PTGER4: variants seen among roughly 807,000 people sequenced by gnomAD.
PTGER4 encodes the protein prostaglandin E2 receptor EP4 subtype.
In PTGER4, 11 loss-of-function variants were observed where a neutral mutation model predicts 33.2. That is an observed-to-expected ratio of 0.33 (90% CI 0.21 to 0.55). The LOEUF is 0.55. PTGER4 is among the 20% of genes least tolerant of loss of function. PTGER4 has a pLI of 0.92. For synonymous variants in PTGER4, 275 were observed against 281.5 expected (o/e 0.98, Z 0.23); for missense variants, 481 against 650.2 (o/e 0.74, Z 2.83).
At chr5:40,727,325 C>T in the PTGER4 span, among the ~76,000 whole-genome samples, 5 of 152,116 alleles carry the variant, frequency 3.3e-5, no homozygotes, top group Admixed American at 2.0e-4. Context: ...AAATTTGGCA[C>T]TGTATATTAG....
chr5:40,718,929 TAAGGTA>T, the PTGER4 span, among the ~76,000 whole-genome samples: 5 of 151,998 alleles, frequency 3.3e-5, no homozygotes, highest in African/African-American at 1.2e-4. Flanking sequence ...AATTAAAAAT[TAAGGTA>T]CCATGGGAAT....
At chr5:40,729,099 G>C in the PTGER4 span, among the ~76,000 whole-genome samples, 33,409 of 152,010 alleles carry the variant, frequency 0.22, 4,351 homozygotes, top group Admixed American at 0.37. Flanking sequence ...AAAGATTTGT[G>C]ATACAAACAT....
the PTGER4 span, among the ~76,000 whole-genome samples, chr5:40,719,323 A>ATGTCTGGT: frequency 6.6e-6 from 1 of 152,158 alleles, no homozygotes; most frequent in Non-Finnish European, 1.5e-5. Context: ...ACAGCCTTTT[A>ATGTCTGGT]TGTCTGGTTT....
the PTGER4 span, among the ~76,000 whole-genome samples, chr5:40,731,181 G>A: frequency 1.3e-5 from 2 of 152,148 alleles, no homozygotes; most frequent in Non-Finnish European, 2.9e-5. Context: ...AAAGGTAGCA[G>A]TAATAAATTC....
At chr5:40,717,229 CAAAA>C in the PTGER4 span, among the ~76,000 whole-genome samples, 2 of 108,902 alleles carry the variant, frequency 1.8e-5, no homozygotes, top group Non-Finnish European at 1.8e-5. Flanking sequence ...AACTCCATCT[CAAAA>C]AAAAAAAAAA....
the PTGER4 span, chr5:40,728,369 T>C: frequency 1.9e-5 from 31 of 1,611,918 alleles, 1 homozygote; most frequent in South Asian, 2.8e-4. Context: ...CTAAACCAAG[T>C]TGAGCACGTC....
At chr5:40,708,372 T>C in the PTGER4 span, among the ~76,000 whole-genome samples, 1 of 152,128 alleles carries the variant, frequency 6.6e-6, no homozygotes, top group African/African-American at 2.4e-5. Flanking sequence ...CCCACAGAAA[T>C]ACAAACTGCC....
At chr5:40,714,419 G>T in the PTGER4 span, 1 of 152,216 alleles carries the variant, frequency 6.6e-6, no homozygotes, top group East Asian at 1.9e-4. Context: ...ACACTAAGTA[G>T]ATCAATCTAA....
intron 2 of PTGER4, among the ~76,000 whole-genome samples, chr5:40,689,707 C>T (rs941817228): frequency 3.3e-5 from 5 of 152,174 alleles, no homozygotes; most frequent in Admixed American, 2.0e-4. Context: ...GCAACATCCT[C>T]AAGTCTTGTT....
the PTGER4 span, among the ~76,000 whole-genome samples, chr5:40,707,306 C>T: frequency 6.6e-6 from 1 of 151,992 alleles, no homozygotes; most frequent in East Asian, 1.9e-4. Context: ...CAGAGACACA[C>T]ATAGGCTCAA....
chr5:40,703,952 A>C, the PTGER4 span, among the ~76,000 whole-genome samples: 2 of 140,738 alleles, frequency 1.4e-5, no homozygotes, highest in East Asian at 4.2e-4. Context: ...AAAAAAATTT[A>C]GGAGGAAGGA....
chr5:40,700,381 G>T, the PTGER4 span, among the ~76,000 whole-genome samples: 4 of 152,218 alleles, frequency 2.6e-5, no homozygotes, highest in Admixed American at 6.5e-5. Flanking sequence ...CTCTGCCACT[G>T]CCTCTGCAGT....
chr5:40,706,248 T>C, the PTGER4 span, among the ~76,000 whole-genome samples: 1 of 152,116 alleles, frequency 6.6e-6, no homozygotes, highest in African/African-American at 2.4e-5. Flanking sequence ...ATACTACATG[T>C]TCTCACTTAT....
the PTGER4 span, among the ~76,000 whole-genome samples, chr5:40,711,109 C>G: frequency 6.6e-6 from 1 of 151,062 alleles, no homozygotes. Flanking sequence ...AGAAAACAAA[C>G]AAGCAAGCTG....
At chr5:40,729,463 T>C in the PTGER4 span, among the ~76,000 whole-genome samples, 2 of 152,220 alleles carry the variant, frequency 1.3e-5, no homozygotes, top group Admixed American at 1.3e-4. Context: ...TCCTACAAAA[T>C]ATTAGAAACA....
At chr5:40,729,440 T>C in the PTGER4 span, among the ~76,000 whole-genome samples, 70 of 152,358 alleles carry the variant, frequency 4.6e-4, no homozygotes, top group African/African-American at 1.5e-3. Flanking sequence ...TCAAAGGTTT[T>C]CTTTACAGAC....
downstream of PTGER4, among the ~76,000 whole-genome samples, chr5:40,695,994 G>C (rs913951168): frequency 1.3e-4 from 20 of 152,194 alleles, no homozygotes; most frequent in African/African-American, 4.6e-4. Context: ...TTTGGGTACT[G>C]GGTACACTAG....
chr5:40,717,498 A>G, the PTGER4 span, among the ~76,000 whole-genome samples: 13 of 152,172 alleles, frequency 8.5e-5, no homozygotes, highest in African/African-American at 3.1e-4. Context: ...CACTACTGAC[A>G]TATTTGGCTG....
At chr5:40,695,643 C>T (rs545048033), downstream of PTGER4, among the ~76,000 whole-genome samples, 1 of 152,154 alleles carries the variant, frequency 6.6e-6, no homozygotes, top group East Asian at 1.9e-4. Flanking sequence ...ACCCAGGAGG[C>T]GGAGGTTGCA....
Sources: gnomAD v4.1 joint callset for allele counts (sites outside exome capture counted in the v4.1 genomes callset) on GRCh38, gnomAD v4.1.1 for gene constraint, MANE v1.5 for transcripts, NCBI Gene and HGNC (gene_info 2026-07-23, HGNC 2026-07-21) for gene names.